Variants in ALDH1L1 observed in about 807,000 individuals in gnomAD.
ALDH1L1 encodes the protein cytosolic 10-formyltetrahydrofolate dehydrogenase.
ALDH1L1 carries 68 observed loss-of-function variants against 101.1 expected under a neutral mutation model. The observed-to-expected ratio is 0.67, with a 90% CI of 0.55 to 0.82. ALDH1L1 has a LOEUF of 0.82. Ranked by LOEUF, ALDH1L1 falls within the 40% of genes least tolerant of loss-of-function variation. The pLI is 0.00. For synonymous variants in ALDH1L1, 486 were observed against 470.8 expected (o/e 1.03, Z -0.42); for missense variants, 1,087 against 1,172.7 (o/e 0.93, Z 1.07).
At chr3:126,118,341 G>A (rs1366739898) in intron 16 of ALDH1L1, among the ~76,000 whole-genome samples, 1 of 152,168 alleles carries the variant, frequency 6.6e-6, no homozygotes, top group Non-Finnish European at 1.5e-5. Context: ...GACTGTGTTT[G>A]GAGATGTGGC....
At chr3:126,107,117 T>G in intron 21 of ALDH1L1, 24 bp downstream of exon 21, 91 of 1,600,390 alleles carry the variant, frequency 5.7e-5, no homozygotes, top group Non-Finnish European at 7.3e-5. Flanking sequence ...TCAGGGCCCT[T>G]GAGACATCAG....
chr3:126,184,323 C>A (rs1311652702), upstream of ALDH1L1, among the ~76,000 whole-genome samples: 3 of 152,242 alleles, frequency 2.0e-5, no homozygotes, highest in African/African-American at 7.2e-5. Context: ...GCATCATCTC[C>A]TTTGGGAAGC....
rs547846318 is a variant in ALDH1L1 at position 126,180,558 on chromosome 3, C to G, written c.-106G>C. On this transcript the variant is annotated 5_prime_UTR_variant, in exon 1 of 23. Transcript: ENST00000393434. Reference sequence around the variant, plus strand: ...CCCGAAACTGAGGTTGGTGCAGACCCGTCCTGGGAGCCAGGAGGTGGGACC... The same window carrying G: ...CCCGAAACTGAGGTTGGTGCAGACCGGTCCTGGGAGCCAGGAGGTGGGACC... 43 of 1,110,178 alleles carry G rather than the reference C, an allele frequency of 3.9e-5. No individual in the cohort carries two copies. The highest frequency in any genetic ancestry group is 4.8e-5 in the Non-Finnish European group (43 of 903,002). The allele number at this position is 1,110,178 out of a possible 1,614,324, so 68.8% of individuals were successfully genotyped here. A position where few individuals can be genotyped will look rare whatever the true frequency, so the allele number is the denominator to read the frequency against.
chr3:126,174,836 T>C lies in ALDH1L1; in HGVS notation c.-24+5640A>G, dbSNP rs188885497. On this transcript the variant is annotated intron_variant, in intron 1 of 22. Transcript: ENST00000393434. ...AAAGCAAGTTTCCAAATTAGGAAAC[T>C]AGAAAAAGAAGAGCAAATTAAATCC... 4.6e-3 allele frequency among the ~76,000 whole-genome samples: 705 copies of C among 152,162 alleles called. 5 individuals carry two copies. The highest frequency in any genetic ancestry group is 0.021 in the South Asian group (101 of 4,816).
intron 19 of ALDH1L1, 69 bp from the exon 20 acceptor site, chr3:126,110,178 C>T: frequency 6.3e-7 from 1 of 1,583,604 alleles, no homozygotes; most frequent in Non-Finnish European, 8.6e-7. Flanking sequence ...CCTCACCTGA[C>T]TCAGCTCTCA....
At chr3:126,164,889 T>C (rs911971115) in intron 1 of ALDH1L1, among the ~76,000 whole-genome samples, 8 of 152,214 alleles carry the variant, frequency 5.3e-5, no homozygotes, top group Admixed American at 3.9e-4. Context: ...AGCACTGTTA[T>C]TGACTTTTTA....
intron 1 of ALDH1L1, among the ~76,000 whole-genome samples, chr3:126,187,044 G>A (rs1388336761): frequency 3.3e-5 from 5 of 152,154 alleles, no homozygotes; most frequent in Admixed American, 2.0e-4. Context: ...AGCGGGGATC[G>A]AGGAGAGGCT....
At chr3:126,109,651 T>C (rs1177236921) in intron 20 of ALDH1L1, among the ~76,000 whole-genome samples, 1 of 152,008 alleles carries the variant, frequency 6.6e-6, no homozygotes, top group African/African-American at 2.4e-5. Context: ...TAAAATCTAG[T>C]CTCATGAAAT....
intron 9 of ALDH1L1, among the ~76,000 whole-genome samples, chr3:126,146,452 A>G (rs2080683603): frequency 6.6e-6 from 1 of 152,194 alleles, no homozygotes; most frequent in Admixed American, 6.5e-5. Flanking sequence ...ACTGTGAGCT[A>G]AGGATATGGT....
Position 126,137,972 on chromosome 3 carries a change from A to C in ALDH1L1, c.1077-12T>G, listed in dbSNP as rs757560857. ...CTTCCTCCACCAGCCTGGAGGAAGG[A>C]GATGGAAAGATGGGGACACGGGAGG... On this transcript the variant is annotated splice_polypyrimidine_tract_variant and intron_variant, in intron 9 of 22. Coordinates refer to ENST00000393434, the MANE Select transcript of ALDH1L1 (RefSeq NM_012190.4). 1.1e-5 allele frequency: 18 copies of C among 1,613,874 alleles called. No homozygotes were observed. Among genetic ancestry groups the C allele is most frequent in the Admixed American group, 6.7e-5 (4 of 60,004 alleles).
chr3:126,118,479 C>A (rs893870568), intron 16 of ALDH1L1, among the ~76,000 whole-genome samples: 6 of 152,138 alleles, frequency 3.9e-5, no homozygotes, highest in African/African-American at 1.4e-4. Context: ...GGAGAGCCGT[C>A]TGCAAGCCCA....
chr3:126,167,671 C>G (rs1264703289), intron 1 of ALDH1L1, among the ~76,000 whole-genome samples: 3 of 151,794 alleles, frequency 2.0e-5, no homozygotes, highest in African/African-American at 7.3e-5. Flanking sequence ...CCAGCCTTGC[C>G]TTTAGACTCC....
At chr3:126,165,980 C>T (rs1035308011) in intron 1 of ALDH1L1, among the ~76,000 whole-genome samples, 4 of 151,216 alleles carry the variant, frequency 2.6e-5, no homozygotes, top group African/African-American at 9.7e-5. Flanking sequence ...TTGGTTTGTT[C>T]TTTTTTTCTA....
At chr3:126,150,262 A>T in intron 8 of ALDH1L1, 144 bp downstream of exon 8, 1 of 1,341,710 alleles carries the variant, frequency 7.5e-7, no homozygotes, top group Non-Finnish European at 9.9e-7. Flanking sequence ...CTCCAAGACG[A>T]GATAGAACCA....
chr3:126,159,985 C>A (rs1211595900), intron 2 of ALDH1L1, among the ~76,000 whole-genome samples: 1 of 152,182 alleles, frequency 6.6e-6, no homozygotes, highest in African/African-American at 2.4e-5. Context: ...AAGCCCTGCC[C>A]CACAGTCTGT....
chr3:126,127,206 A>T (rs2080205995), intron 14 of ALDH1L1, among the ~76,000 whole-genome samples: 1 of 152,152 alleles, frequency 6.6e-6, no homozygotes, highest in Non-Finnish European at 1.5e-5. Context: ...CCGGGACTGG[A>T]GTGTGCAGAG....
intron 5 of ALDH1L1, 50 bp from the exon 6 acceptor site, chr3:126,154,693 C>A (rs1430013507): frequency 6.4e-7 from 1 of 1,555,884 alleles, no homozygotes; most frequent in African/African-American, 1.4e-5. Context: ...TCACTCCCCT[C>A]CCACCCTGAT....
chr3:126,183,593 G>A (rs1354081324), upstream of ALDH1L1, among the ~76,000 whole-genome samples: 1 of 152,162 alleles, frequency 6.6e-6, no homozygotes, highest in Non-Finnish European at 1.5e-5. Context: ...GACCCGCCCA[G>A]GAAGATTTTA....
chr3:126,103,609 C>A lies in ALDH1L1; in HGVS notation c.*182G>T. The A allele has an allele frequency of 1.6e-6, 1 of 632,680 alleles. No individual in the cohort carries two copies. Among genetic ancestry groups the A allele is most frequent in the Non-Finnish European group, 2.8e-6 (1 of 362,040 alleles). The allele number at this position is 632,680 out of a possible 1,614,324, so 39.2% of individuals were successfully genotyped here. On this transcript the variant is annotated 3_prime_UTR_variant, in exon 23 of 23. Coordinates refer to ENST00000393434, the MANE Select transcript of ALDH1L1 (RefSeq NM_012190.4). ...CTTTATTCTCCCTGGGAGGGGCACA[C>A]CTCACCCAGCCAAGGGCTGCTTCTG...
Sources: gnomAD v4.1 joint callset for allele counts (sites outside exome capture counted in the v4.1 genomes callset) on GRCh38, gnomAD v4.1.1 for gene constraint, MANE v1.5 for transcripts, NCBI Gene and HGNC (gene_info 2026-07-23, HGNC 2026-07-21) for gene names.